Variants in VAV2 observed in about 807,000 individuals in gnomAD.
VAV2 encodes the protein vav guanine nucleotide exchange factor 2.
A neutral mutation model predicts 132.5 loss-of-function variants in VAV2; 67 were observed. The ratio of observed to expected loss-of-function variants is 0.51; its 90% CI spans 0.42 to 0.62. VAV2 has a LOEUF of 0.62. Among genes scored for constraint, VAV2 ranks in the 20% least tolerant of loss-of-function variants. The pLI, the probability that VAV2 is intolerant of heterozygous loss-of-function variation, is 0.00. For synonymous variants in VAV2, 492 were observed against 443.5 expected, an observed-to-expected ratio of 1.11 and a Z score of -1.37; for missense variants, 938 against 1,153.6, an observed-to-expected ratio of 0.81 and a Z score of 2.71.
intron 4 of VAV2, among the ~76,000 whole-genome samples, chr9:133,832,494 A>C (rs1329853027): frequency 6.6e-6 from 1 of 152,040 alleles, no homozygotes; most frequent in African/African-American, 2.4e-5. Flanking sequence ...TACAGGGTTG[A>C]GATGGACAGT....
At chr9:133,891,731 AGAGGAGGCATGGAGGAGAGGC>A (rs1838972545) in intron 2 of VAV2, among the ~76,000 whole-genome samples, 1 of 40,940 alleles carries the variant, frequency 2.4e-5, no homozygotes, top group African/African-American at 1.0e-4. Context: ...GGAGGGATGG[AGAGGAGGCATGGAGGAGAGGC>A]AGGGAGGGGG....
intron 20 of VAV2, among the ~76,000 whole-genome samples, chr9:133,780,254 A>G (rs1363137917): frequency 6.6e-6 from 1 of 152,170 alleles, no homozygotes; most frequent in Non-Finnish European, 1.5e-5. Flanking sequence ...TCCATCTGGG[A>G]CACACAGTGC....
At chr9:133,976,791 C>T (rs1253419798) in intron 1 of VAV2, among the ~76,000 whole-genome samples, 1 of 152,244 alleles carries the variant, frequency 6.6e-6, no homozygotes, top group Non-Finnish European at 1.5e-5. Context: ...CAGGTTCATC[C>T]ACAGATATTC....
At chr9:133,913,388 A>C (rs2132050020) in intron 2 of VAV2, among the ~76,000 whole-genome samples, 1 of 152,314 alleles carries the variant, frequency 6.6e-6, no homozygotes, top group East Asian at 1.9e-4. Context: ...ACCTCACTAC[A>C]CCAGCGAGAA....
chr9:133,766,759 AATATATATATATAT>A (rs373267933), intron 29 of VAV2, among the ~76,000 whole-genome samples: 14 of 112,112 alleles, frequency 1.2e-4, no homozygotes, highest in African/African-American at 2.5e-4. Flanking sequence ...AGTATAAATA[AATATATATATATAT>A]ATATATATAT....
chr9:133,878,994 T>C (rs1213382767), intron 2 of VAV2, among the ~76,000 whole-genome samples: 1 of 151,974 alleles, frequency 6.6e-6, no homozygotes, highest in Admixed American at 6.6e-5. Flanking sequence ...AGCAGGAGCA[T>C]GGTGGGGCAG....
At chr9:133,900,045 T>TA (rs1839380294) in intron 2 of VAV2, among the ~76,000 whole-genome samples, 3 of 119,782 alleles carry the variant, frequency 2.5e-5, no homozygotes, top group South Asian at 5.4e-4. Flanking sequence ...AATAAATAAA[T>TA]AAAAATAGCT....
At chr9:133,960,456 A>T (rs1271603996) in intron 1 of VAV2, among the ~76,000 whole-genome samples, 4 of 152,202 alleles carry the variant, frequency 2.6e-5, no homozygotes, top group Non-Finnish European at 5.9e-5. Flanking sequence ...AGTGCCGGCC[A>T]CGGGAGCCTC....
intron 2 of VAV2, among the ~76,000 whole-genome samples, chr9:133,894,676 C>A (rs1839125308): frequency 6.6e-6 from 1 of 152,184 alleles, no homozygotes; most frequent in South Asian, 2.1e-4. Context: ...AAGGGGACCA[C>A]AAACCCCTCC....
intron 2 of VAV2, among the ~76,000 whole-genome samples, chr9:133,874,831 A>G (rs993926770): frequency 3.3e-5 from 5 of 152,182 alleles, no homozygotes; most frequent in Non-Finnish European, 5.9e-5. Context: ...TCCCCAGCCC[A>G]CAACTGCAGA....
At chr9:133,830,791 T>C (rs1205246979) in intron 4 of VAV2, among the ~76,000 whole-genome samples, 1 of 152,154 alleles carries the variant, frequency 6.6e-6, no homozygotes, top group Admixed American at 6.5e-5. Context: ...AATGGCTAAA[T>C]ATCCACACCA....
Position 133,930,711 on chromosome 9 carries a change from G to A in VAV2, c.321+8392C>T, listed in dbSNP as rs557173332. On this transcript the variant is annotated intron_variant, in intron 2 of 29. Transcript: ENST00000371850. The stretch of plus-strand genomic sequence containing the variant: ...CCTCACTTCTTAAGGTCCCTGCAGG[G>A]TGCAGGTGCTCGTGGACATAAAGGT... Among the ~76,000 whole-genome samples the A allele has an allele frequency of 3.3e-5, 5 of 152,320 alleles. No individual in the cohort carries two copies. In the East Asian group the frequency reaches 9.7e-4, roughly 29 times the overall value.
intron 26 of VAV2, among the ~76,000 whole-genome samples, chr9:133,771,574 G>A (rs1276988555): frequency 6.6e-6 from 1 of 152,220 alleles, no homozygotes. Context: ...CGGAGAAGAA[G>A]CTGTTTGAAG....
At chr9:133,825,664 G>A (rs988694806) in intron 4 of VAV2, among the ~76,000 whole-genome samples, 3 of 152,120 alleles carry the variant, frequency 2.0e-5, no homozygotes, top group African/African-American at 7.2e-5. Context: ...TGGGAGAGGT[G>A]GGCAGGGTGA....
At chr9:133,865,785 C>G (rs1008210696) in intron 2 of VAV2, among the ~76,000 whole-genome samples, 18 of 152,198 alleles carry the variant, frequency 1.2e-4, no homozygotes, top group African/African-American at 4.3e-4. Context: ...TGTATAAACA[C>G]ACGTATATAT....
chr9:133,891,302 T>TGGA (rs1838924741), intron 2 of VAV2, among the ~76,000 whole-genome samples: 1 of 48,106 alleles, frequency 2.1e-5, no homozygotes, highest in Non-Finnish European at 4.0e-5. Flanking sequence ...AGGGAAGGGA[T>TGGA]GGGGGATGGA....
chr9:133,940,672 C>CGTGTGCGTGTGT (rs1554814234), intron 1 of VAV2, among the ~76,000 whole-genome samples: 2 of 139,240 alleles, frequency 1.4e-5, no homozygotes, highest in Non-Finnish European at 3.2e-5. Flanking sequence ...TGTCCACGTG[C>CGTGTGCGTGTGT]GTGTGTGTGT....
In VAV2 at chr9:133,768,093, C is replaced by T. The variant is rs1269268316; in HGVS notation, c.2589+349G>A. Among the ~76,000 whole-genome samples, 7 of 152,198 alleles carry T rather than the reference C, an allele frequency of 4.6e-5. No individual in the cohort carries two copies. The highest frequency in any genetic ancestry group is 6.8e-3 in the Middle Eastern group (2 of 294). ...TCCTCAGTCCTGTGACCTCCCTTCC[C>T]GCAAACAGAGCTTGGGGACTTGCAA... On this transcript the variant is annotated intron_variant, in intron 29 of 29. Transcript: ENST00000371850. This position sits in a 1 kb window ranked among gnomAD's most constrained non-coding sequence, Gnocchi z 5.3.
In VAV2 at chr9:133,826,271, C is replaced by T. The variant is rs1001102018; in HGVS notation, c.449+8001G>A. On this transcript the variant is annotated intron_variant, in intron 4 of 29. Coordinates refer to ENST00000371850, the MANE Select transcript of VAV2 (RefSeq NM_001134398.2). This position sits in a 1 kb window ranked among gnomAD's most constrained non-coding sequence, Gnocchi z 4.2. ...GGAAAGGCCAGCTAGACCTTGGGCC[C>T]TGGTGACCCGCCACACTAAAGCAGC... Among the ~76,000 whole-genome samples, 141 of 152,300 alleles carry T rather than the reference C, an allele frequency of 9.3e-4. No individual in the cohort carries two copies. Among genetic ancestry groups the T allele is most frequent in the Non-Finnish European group, 9.3e-4 (63 of 68,022 alleles).
Sources: gnomAD v4.1 joint callset for allele counts (sites outside exome capture counted in the v4.1 genomes callset) on GRCh38, gnomAD v4.1.1 for gene constraint, Gnocchi (gnomAD v3.1) non-coding constraint, MANE v1.5 for transcripts, NCBI Gene and HGNC (gene_info 2026-07-23, HGNC 2026-07-21) for gene names.